ZNF592: variants seen among roughly 807,000 people sequenced by gnomAD.
The protein encoded by ZNF592 is zinc finger protein 592, also known as spinocerebellar ataxia, autosomal recessive 5.
A neutral mutation model predicts 80.3 loss-of-function variants in ZNF592; 11 were observed. The ratio of observed to expected loss-of-function variants is 0.14; its 90% CI spans 0.09 to 0.23. The LOEUF (loss-of-function observed/expected upper bound fraction) is 0.23, where lower values mean the gene tolerates loss of function less well. ZNF592 is among the 10% of genes least tolerant of loss of function. The probability of loss-of-function intolerance (pLI) is 1.00; values close to 1 mark genes in which losing one functional copy is unlikely to be tolerated. For synonymous variants in ZNF592, 646 were observed against 640.3 expected (o/e 1.01, Z -0.13); for missense variants, 1,420 against 1,633.9 (o/e 0.87, Z 2.26).
chr15:84,769,662 G>A (rs1899640827), intron 2 of ZNF592, among the ~76,000 whole-genome samples: 1 of 152,124 alleles, frequency 6.6e-6, no homozygotes, highest in Non-Finnish European at 1.5e-5. Flanking sequence ...CGGCTGTGGA[G>A]GCTGTGGGAA....
chr15:84,784,986 G>A lies in ZNF592; in HGVS notation c.2220+91G>A. 7.2e-7 allele frequency: 1 copy of A among 1,394,086 alleles called. No homozygotes were observed. Among genetic ancestry groups the A allele is most frequent in the South Asian group, 1.2e-5 (1 of 85,608 alleles). 86.4% of individuals were successfully genotyped at this position (1,394,086 alleles called of 1,614,324 possible). On this transcript the variant is annotated intron_variant, in intron 4 of 10. Transcript: ENST00000560079. The surrounding 1 kb of genome is among the most constrained non-coding windows in gnomAD (Gnocchi z 5.8). Reference sequence around the variant, plus strand: ...GGAGAGGAAAGCTCATTGATATGGGGGCAGTGGTGGAATCTTATGAGTCTT... The same window carrying A: ...GGAGAGGAAAGCTCATTGATATGGGAGCAGTGGTGGAATCTTATGAGTCTT...
In ZNF592 at chr15:84,802,694, C is replaced by T; in HGVS notation, c.*301C>T. The T allele has an allele frequency of 2.2e-6, 1 of 456,478 alleles. No homozygotes were observed. The highest frequency in any genetic ancestry group is 2.2e-5 in the South Asian group (1 of 45,550). 28.3% of individuals were successfully genotyped at this position (456,478 alleles called of 1,614,324 possible). ...AAGCTGCTTATGTGGCCCAACCCCA[C>T]TGCTGTCAACTAGGCTTGAACCCCA... On this transcript the variant is annotated 3_prime_UTR_variant, in exon 11 of 11. Transcript: ENST00000560079.
chr15:84,790,096 C>T (rs1443318043), intron 4 of ZNF592, among the ~76,000 whole-genome samples: 8 of 149,436 alleles, frequency 5.4e-5, no homozygotes, highest in Non-Finnish European at 1.0e-4. Context: ...ATCCCACCCC[C>T]CAACCCCCAC....
intron 10 of ZNF592, 90 bp from the exon 11 acceptor site, chr15:84,801,773 C>G: frequency 1.9e-6 from 3 of 1,599,936 alleles, no homozygotes; most frequent in Non-Finnish European, 1.7e-6. Context: ...CTGGGTGGTG[C>G]TTTCTTTGAG....
intron 1 of ZNF592, among the ~76,000 whole-genome samples, chr15:84,755,417 C>T (rs542881062): frequency 1.6e-4 from 25 of 152,152 alleles, no homozygotes; most frequent in Non-Finnish European, 3.1e-4. Context: ...TAGACATGCA[C>T]CACTGTGCCC....
At position 84,764,833 on chromosome 15, in the gene ZNF592, A is replaced by T; in HGVS notation, c.-150+18A>T. 1 of 398,606 alleles carries T rather than the reference A, an allele frequency of 2.5e-6. No homozygotes were observed. The highest frequency in any genetic ancestry group is 1.3e-4 in the South Asian group (1 of 7,826). The allele number at this position is 398,606 out of a possible 1,614,324, so 24.7% of individuals were successfully genotyped here. On this transcript the variant is annotated intron_variant, in intron 2 of 10. Transcript: ENST00000560079. ...TCTCTAAGGTATGATGTCTAGGCTGACCTGAACTGGCCTTGAAAAGCCAAG... is the reference window on the plus strand; with the variant it reads ...TCTCTAAGGTATGATGTCTAGGCTGTCCTGAACTGGCCTTGAAAAGCCAAG...
chr15:84,753,779 C>T (rs1899082963), intron 1 of ZNF592, among the ~76,000 whole-genome samples: 1 of 152,144 alleles, frequency 6.6e-6, no homozygotes, highest in Admixed American at 6.5e-5. Flanking sequence ...GGCCTTATTC[C>T]TATCTTTACA....
At chr15:84,791,053 G>C (rs1290743867) in intron 5 of ZNF592, among the ~76,000 whole-genome samples, 170 bp downstream of exon 5, 1 of 152,222 alleles carries the variant, frequency 6.6e-6, no homozygotes, top group Non-Finnish European at 1.5e-5. Context: ...TAGCAGACAG[G>C]AAGAACAAGA....
chr15:84,786,412 G>C (rs1260447528), intron 4 of ZNF592, among the ~76,000 whole-genome samples: 1 of 152,196 alleles, frequency 6.6e-6, no homozygotes, highest in African/African-American at 2.4e-5. Flanking sequence ...AGTAGGAGGG[G>C]CAAGGGTGTT....
intron 1 of ZNF592, among the ~76,000 whole-genome samples, chr15:84,761,215 C>T (rs34162609): frequency 0.2 from 30,106 of 152,128 alleles, 3,779 homozygotes; most frequent in Middle Eastern, 0.36. Context: ...ATCCACCCAC[C>T]TTGGCCTCCC....
chr15:84,781,778 GTT>G (rs1962427289), intron 3 of ZNF592, among the ~76,000 whole-genome samples: 1 of 152,178 alleles, frequency 6.6e-6, no homozygotes, highest in African/African-American at 2.4e-5. Context: ...TGAAGTGTGA[GTT>G]TTATAAGAAT....
At chr15:84,763,761 T>C (rs547592504) in intron 1 of ZNF592, among the ~76,000 whole-genome samples, 29 of 152,336 alleles carry the variant, frequency 1.9e-4, no homozygotes, top group African/African-American at 7.0e-4. Context: ...AGCGAGGGAA[T>C]GCAGGATTAG....
At chr15:84,789,693 C>T (rs1962687368) in intron 4 of ZNF592, among the ~76,000 whole-genome samples, 1 of 152,146 alleles carries the variant, frequency 6.6e-6, no homozygotes, top group South Asian at 2.1e-4. Flanking sequence ...TTTATATATT[C>T]AGTATATTTA....
chr15:84,795,746 T>G (rs1022149214), intron 5 of ZNF592, among the ~76,000 whole-genome samples: 1 of 152,206 alleles, frequency 6.6e-6, no homozygotes, highest in Non-Finnish European at 1.5e-5. Flanking sequence ...GTAAGTAACT[T>G]GAATAGAAAC....
At chr15:84,788,943 G>T (rs1477312577) in intron 4 of ZNF592, among the ~76,000 whole-genome samples, 1 of 151,870 alleles carries the variant, frequency 6.6e-6, no homozygotes, top group African/African-American at 2.4e-5. Context: ...GGGCATGGTG[G>T]CTCACACCTG....
At chr15:84,764,987 C>A (rs1440802098) in intron 2 of ZNF592, among the ~76,000 whole-genome samples, 172 bp downstream of exon 2, 1 of 151,778 alleles carries the variant, frequency 6.6e-6, no homozygotes, top group Non-Finnish European at 1.5e-5. Flanking sequence ...TAAATACATT[C>A]ACAGTTGTAC....
intron 1 of ZNF592, among the ~76,000 whole-genome samples, chr15:84,759,570 C>T (rs1285427220): frequency 1.3e-5 from 2 of 152,124 alleles, no homozygotes; most frequent in East Asian, 1.9e-4. Context: ...GCATTTCCAT[C>T]TTAGAGTCCT....
rs1899203415 is a variant in ZNF592 at position 84,757,329 on chromosome 15, T to G, written c.-258-7378T>G. 3.8e-5 allele frequency among the ~76,000 whole-genome samples: 5 copies of G among 132,798 alleles called. No individual in the cohort carries two copies. In the South Asian group the frequency reaches 1.2e-3, roughly 32 times the overall value. 87.1% of individuals were successfully genotyped at this position (132,798 alleles called of 152,430 possible). ...CATTATTCTTTTCTTTTCTTTTCTT[T>G]CTTTCTTTCCTTTTTTTTTTTTTTT... On this transcript the variant is annotated intron_variant, in intron 1 of 10. Coordinates refer to ENST00000560079, the MANE Select transcript of ZNF592 (RefSeq NM_014630.3).
chr15:84,772,060 G>A lies in ZNF592; in HGVS notation c.-149-6123G>A, dbSNP rs552137358. On this transcript the variant is annotated intron_variant, in intron 2 of 10. Coordinates refer to ENST00000560079, the MANE Select transcript of ZNF592 (RefSeq NM_014630.3). ...TAAGGTCTTCACACAAGTAACTATT[G>A]ATACCATAGGAGTGAAAGCCAATTC... 5.3e-5 allele frequency among the ~76,000 whole-genome samples: 8 copies of A among 152,272 alleles called. No homozygotes were observed. In the South Asian group the frequency reaches 1.7e-3, roughly 32 times the overall value.
Sources: gnomAD v4.1 joint callset for allele counts (sites outside exome capture counted in the v4.1 genomes callset) on GRCh38, gnomAD v4.1.1 for gene constraint, Gnocchi (gnomAD v3.1) non-coding constraint, MANE v1.5 for transcripts, NCBI Gene and HGNC (gene_info 2026-07-23, HGNC 2026-07-21) for gene names.